Variants in RTN1 observed in about 807,000 individuals in gnomAD.
RTN1 encodes the protein reticulon-1.
RTN1 carries 25 observed loss-of-function variants against 65.5 expected under a neutral mutation model. The ratio of observed to expected loss-of-function variants is 0.38; its 90% CI spans 0.28 to 0.53. RTN1 has a LOEUF of 0.53. RTN1 is among the 20% of genes least tolerant of loss of function. The probability of loss-of-function intolerance (pLI) is 0.79; values close to 1 mark genes in which losing one functional copy is unlikely to be tolerated. For synonymous variants in RTN1, 471 were observed against 447.6 expected (o/e 1.05, Z -0.66); for missense variants, 983 against 1,025.4 (o/e 0.96, Z 0.57).
At chr14:59,818,421 T>C (rs1473580963) in intron 1 of RTN1, among the ~76,000 whole-genome samples, 3 of 152,166 alleles carry the variant, frequency 2.0e-5, no homozygotes, top group Admixed American at 6.5e-5. Flanking sequence ...TCCTAGGAAA[T>C]AAGAATGGAA....
intron 3 of RTN1, among the ~76,000 whole-genome samples, chr14:59,700,323 GC>G (rs1317890085): frequency 6.6e-6 from 1 of 152,204 alleles, no homozygotes; most frequent in East Asian, 1.9e-4. Context: ...CAGATTCAAT[GC>G]AGTTCCTATC....
intron 1 of RTN1, among the ~76,000 whole-genome samples, chr14:59,812,902 A>G (rs2139615160): frequency 6.6e-6 from 1 of 152,332 alleles, no homozygotes; most frequent in African/African-American, 2.4e-5. Context: ...TATCTTATCA[A>G]GTTTTGCTGA....
At chr14:59,775,043 T>C (rs1013764137) in intron 1 of RTN1, among the ~76,000 whole-genome samples, 18 of 152,160 alleles carry the variant, frequency 1.2e-4, no homozygotes, top group African/African-American at 4.1e-4. Flanking sequence ...ATTACCGGGA[T>C]GTAGTTGTCC....
intron 3 of RTN1, chr14:59,630,757 C>A: frequency 9.3e-7 from 1 of 1,080,142 alleles, no homozygotes; most frequent in Non-Finnish European, 1.1e-6. Context: ...CCGCTCCACG[C>A]GACAGCGTTG....
At chr14:59,691,114 C>G (rs1316899150) in intron 3 of RTN1, among the ~76,000 whole-genome samples, 3 of 151,884 alleles carry the variant, frequency 2.0e-5, no homozygotes, top group African/African-American at 7.3e-5. Context: ...AGTTGAGACC[C>G]AAAAATCCAT....
chr14:59,737,199 C>T (rs1433274095), intron 2 of RTN1, among the ~76,000 whole-genome samples: 1 of 152,168 alleles, frequency 6.6e-6, no homozygotes, highest in Admixed American at 6.5e-5. Context: ...AAATTGTTTT[C>T]AGATAGGAAG....
chr14:59,831,446 C>G (rs2139641530), intron 1 of RTN1, among the ~76,000 whole-genome samples: 1 of 152,272 alleles, frequency 6.6e-6, no homozygotes, highest in Non-Finnish European at 1.5e-5. Context: ...AACATTGGCT[C>G]TCTTGGGGGC....
chr14:59,811,139 A>T (rs1251860522), intron 1 of RTN1, among the ~76,000 whole-genome samples: 3 of 152,192 alleles, frequency 2.0e-5, no homozygotes, highest in Non-Finnish European at 4.4e-5. Flanking sequence ...GAACCTCCTC[A>T]ATCATTGGTG....
intron 1 of RTN1, among the ~76,000 whole-genome samples, chr14:59,751,763 C>T (rs8020633): frequency 7.4e-4 from 112 of 152,274 alleles, no homozygotes; most frequent in African/African-American, 2.1e-3. Flanking sequence ...CCCTCTAGAC[C>T]GCTGTCTCCT....
intron 2 of RTN1, among the ~76,000 whole-genome samples, chr14:59,730,540 A>C (rs1400854233): frequency 6.6e-6 from 1 of 152,226 alleles, no homozygotes; most frequent in Non-Finnish European, 1.5e-5. Context: ...TGTGCTTCAG[A>C]GAATACCATA....
At chr14:59,608,148 C>T (rs111732971) in intron 3 of RTN1, among the ~76,000 whole-genome samples, 9,173 of 152,046 alleles carry the variant, frequency 0.06, 355 homozygotes, top group Non-Finnish European at 0.087. Flanking sequence ...ATTCCAGTCC[C>T]GGGATATAAA....
At chr14:59,754,910 G>A (rs75712087) in intron 1 of RTN1, among the ~76,000 whole-genome samples, 69 of 152,156 alleles carry the variant, frequency 4.5e-4, no homozygotes, top group African/African-American at 1.5e-3. Context: ...AGCAGGTGGC[G>A]GTTCATTACG....
chr14:59,738,160 T>C (rs1212484167), intron 2 of RTN1, among the ~76,000 whole-genome samples: 2 of 152,064 alleles, frequency 1.3e-5, no homozygotes, highest in Non-Finnish European at 1.5e-5. Flanking sequence ...AACTGACAAA[T>C]GGGATCTAAT....
At chr14:59,632,913 G>A (rs1368870922) in intron 3 of RTN1, among the ~76,000 whole-genome samples, 2 of 151,976 alleles carry the variant, frequency 1.3e-5, no homozygotes, top group Non-Finnish European at 2.9e-5. Flanking sequence ...TGGGCAACAT[G>A]GTGAAACCCC....
intron 1 of RTN1, among the ~76,000 whole-genome samples, chr14:59,770,085 T>C (rs1047498934): frequency 6.6e-6 from 1 of 151,730 alleles, no homozygotes; most frequent in Non-Finnish European, 1.5e-5. Context: ...AAAAAGAACA[T>C]AGAACTTAGG....
intron 1 of RTN1, among the ~76,000 whole-genome samples, chr14:59,863,349 C>T (rs1219968614): frequency 6.6e-6 from 1 of 152,144 alleles, no homozygotes; most frequent in Non-Finnish European, 1.5e-5. Context: ...GCTCTAAAAC[C>T]ATTTCAACCG....
At chr14:59,699,501 A>G (rs1884136325) in intron 3 of RTN1, among the ~76,000 whole-genome samples, 1 of 152,142 alleles carries the variant, frequency 6.6e-6, no homozygotes, top group African/African-American at 2.4e-5. Context: ...ATGGCATAAT[A>G]AAGACACAGC....
At chr14:59,725,718 C>A (rs1884743490) in intron 3 of RTN1, among the ~76,000 whole-genome samples, 2 of 152,160 alleles carry the variant, frequency 1.3e-5, no homozygotes, top group Admixed American at 1.3e-4. Flanking sequence ...TTATTTCAGT[C>A]CTCTAGATTC....
intron 3 of RTN1, chr14:59,630,577 G>A: frequency 1.2e-6 from 2 of 1,600,678 alleles, no homozygotes; most frequent in East Asian, 2.2e-5. Flanking sequence ...GTTGGTGCCC[G>A]GCTGCTGCGG....
Sources: allele counts gnomAD v4.1 joint callset (sites outside exome capture counted in the v4.1 genomes callset), GRCh38; gene constraint gnomAD v4.1.1; transcripts MANE v1.5; gene names NCBI Gene and HGNC (gene_info 2026-07-23, HGNC 2026-07-21).